The following SOX6 variants were observed in gnomAD, a reference collection of about 807,000 sequenced individuals.
SOX6 encodes SRY-box transcription factor 6, also known as transcription factor SOX-6.
A neutral mutation model predicts 97.8 loss-of-function variants in SOX6; 11 were observed. That is an observed-to-expected ratio of 0.11 (90% confidence interval 0.07 to 0.19). The LOEUF is 0.19. SOX6 is among the 10% of genes least tolerant of loss of function. SOX6 has a pLI of 1.00. For missense variants in SOX6, 810 were observed against 1,039.5 expected (o/e 0.78, Z 3.04); for synonymous variants, 360 against 371.4 (o/e 0.97, Z 0.35).
At chr11:16,226,337 GT>G (rs545867195) in intron 4 of SOX6, among the ~76,000 whole-genome samples, 6 of 105,456 alleles carry the variant, frequency 5.7e-5, no homozygotes, top group Admixed American at 2.1e-4. Flanking sequence ...TTTTGTTTTT[GT>G]TTTTTTTTTC....
chr11:15,992,525 GA>G (rs1854087823), intron 13 of SOX6, among the ~76,000 whole-genome samples: 1 of 152,044 alleles, frequency 6.6e-6, no homozygotes, highest in Admixed American at 6.5e-5. Context: ...TTATGCCCAG[GA>G]GGTCACTCTC....
intron 4 of SOX6, among the ~76,000 whole-genome samples, chr11:16,496,592 C>T (rs1860601202): frequency 6.6e-6 from 1 of 152,194 alleles, no homozygotes; most frequent in South Asian, 2.1e-4. Context: ...TGACAGACAA[C>T]ACCTGGAAAA....
At chr11:16,106,155 C>A (rs1387912955) in intron 7 of SOX6, among the ~76,000 whole-genome samples, 1 of 151,972 alleles carries the variant, frequency 6.6e-6, no homozygotes, top group Non-Finnish European at 1.5e-5. Flanking sequence ...TCAAAGCAAT[C>A]CCTATCAAAA....
intron 4 of SOX6, among the ~76,000 whole-genome samples, chr11:16,229,077 C>T (rs1852770952): frequency 6.6e-6 from 1 of 152,120 alleles, no homozygotes; most frequent in African/African-American, 2.4e-5. Flanking sequence ...TCTCCTAGCA[C>T]CTACCCATCA....
At chr11:16,098,583 T>G (rs978187667) in intron 7 of SOX6, among the ~76,000 whole-genome samples, 23 of 151,932 alleles carry the variant, frequency 1.5e-4, no homozygotes, top group South Asian at 4.1e-4. Context: ...ATGACAGAGG[T>G]AACTGAAATA....
intron 3 of SOX6, among the ~76,000 whole-genome samples, chr11:16,702,221 T>C (rs1253941295): frequency 3.3e-5 from 5 of 152,178 alleles, no homozygotes; most frequent in Admixed American, 2.6e-4. Context: ...TTTAGGCAGC[T>C]GAAAGGAGAG....
chr11:16,097,451 T>C (rs1020147129), intron 8 of SOX6, among the ~76,000 whole-genome samples, 158 bp downstream of exon 8: 2 of 151,896 alleles, frequency 1.3e-5, no homozygotes, highest in Admixed American at 6.6e-5. Context: ...CAGTTTTCTC[T>C]TCTATTTGCA....
intron 3 of SOX6, among the ~76,000 whole-genome samples, chr11:16,672,119 G>A (rs528828530): frequency 1.1e-4 from 17 of 152,260 alleles, no homozygotes; most frequent in African/African-American, 4.1e-4. Flanking sequence ...GTTACCATCA[G>A]ACCGGCCTTA....
At chr11:16,584,514 C>T (rs996576327) in intron 4 of SOX6, among the ~76,000 whole-genome samples, 1 of 152,120 alleles carries the variant, frequency 6.6e-6, no homozygotes, top group Non-Finnish European at 1.5e-5. Context: ...CACATAGATG[C>T]CCCCACTGCT....
intron 12 of SOX6, among the ~76,000 whole-genome samples, chr11:16,027,386 C>T (rs1196864450): frequency 6.6e-6 from 1 of 152,104 alleles, no homozygotes; most frequent in Non-Finnish European, 1.5e-5. Context: ...ATTTCCTACA[C>T]ATTTCTTTCA....
chr11:16,466,757 C>T (rs1293227903), intron 1 of SOX6, among the ~76,000 whole-genome samples: 1 of 150,394 alleles, frequency 6.6e-6, no homozygotes, highest in African/African-American at 2.4e-5. Flanking sequence ...GGTGAAACCC[C>T]GTCTCTACTA....
intron 3 of SOX6, among the ~76,000 whole-genome samples, chr11:16,253,505 A>C (rs1352793622): frequency 6.6e-6 from 1 of 152,176 alleles, no homozygotes; most frequent in Non-Finnish European, 1.5e-5. Context: ...ACACAGGTGC[A>C]TAATGTGAGC....
At chr11:16,530,120 A>G (rs1340208706) in intron 4 of SOX6, among the ~76,000 whole-genome samples, 2 of 151,982 alleles carry the variant, frequency 1.3e-5, no homozygotes, top group Non-Finnish European at 2.9e-5. Flanking sequence ...CTCTAATTCC[A>G]GCTCTATTAC....
chr11:15,972,090 A>G lies in SOX6; in HGVS notation c.*719T>C, dbSNP rs940585612. On this transcript the variant is annotated 3_prime_UTR_variant, in exon 16 of 16. Transcript: ENST00000683767. ...GTGGCAACCTTGTTCATTCCTTACA[A>G]TATCTTGTCTCCAGATTCCTGAGTA... 1 of 152,828 alleles carries G rather than the reference A, an allele frequency of 6.5e-6. No individual in the cohort carries two copies. Among genetic ancestry groups the G allele is most frequent in the Non-Finnish European group, 1.5e-5 (1 of 68,246 alleles). 9.5% of individuals were successfully genotyped at this position (152,828 alleles called of 1,614,324 possible). A position where few individuals can be genotyped will look rare whatever the true frequency, so the allele number is the denominator to read the frequency against.
chr11:16,141,304 A>T lies in SOX6; in HGVS notation c.778-29381T>A, dbSNP rs140592945. Reference sequence around the variant, plus strand: ...GAGATTACAGGTATTCAGGTATCTGAGTGCCTAAAAAGGCGATGAGACAAG... The same window carrying T: ...GAGATTACAGGTATTCAGGTATCTGTGTGCCTAAAAAGGCGATGAGACAAG... On this transcript the variant is annotated intron_variant, in intron 6 of 15. Transcript: ENST00000683767. Among the ~76,000 whole-genome samples, 225 of 152,280 alleles carry T rather than the reference A, an allele frequency of 1.5e-3. 1 individual carries two copies. The highest frequency in any genetic ancestry group is 5.1e-3 in the African/African-American group (214 of 41,556).
intron 1 of SOX6, among the ~76,000 whole-genome samples, chr11:16,432,344 TAC>T (rs1331800878): frequency 6.6e-6 from 1 of 152,118 alleles, no homozygotes; most frequent in African/African-American, 2.4e-5. Context: ...CCAAGTTAAT[TAC>T]AGTCAAAAGT....
rs373521593 is a variant in SOX6, at chr11:16,242,284, G to C, written c.446-7613C>G. On this transcript the variant is annotated intron_variant, in intron 3 of 15. Transcript: ENST00000683767. ...GTATTACAACTGCCTACAGTGTTTA[G>C]TACAGTAACATGCTGCACAGGTTTG... 7.2e-5 allele frequency among the ~76,000 whole-genome samples: 11 copies of C among 152,002 alleles called. No homozygotes were observed. The East Asian group carries it at 7.7e-4, about 11-fold the overall frequency.
chr11:16,137,185 T>C lies in SOX6; in HGVS notation c.778-25262A>G, dbSNP rs191856604. ...GAGCAGTGGCTCATGCCTGTAATCC[T>C]AGCACTTTGGGAGGCTGAGGTGGAC... On this transcript the variant is annotated intron_variant, in intron 6 of 15. Coordinates refer to ENST00000683767, the MANE Select transcript of SOX6 (RefSeq NM_001367873.1). Among the ~76,000 whole-genome samples the C allele has an allele frequency of 9.2e-5, 14 of 152,232 alleles. No homozygotes were observed. The East Asian group carries it at 2.7e-3, about 29-fold the overall frequency.
chr11:16,055,522 C>T (rs375445859), intron 10 of SOX6, among the ~76,000 whole-genome samples: 24 of 152,188 alleles, frequency 1.6e-4, no homozygotes, highest in Admixed American at 3.9e-4. Flanking sequence ...GGAAAACTCT[C>T]GAGAAGTGAG....
Sources: allele counts gnomAD v4.1 joint callset (sites outside exome capture counted in the v4.1 genomes callset), GRCh38; gene constraint gnomAD v4.1.1; transcripts MANE v1.5; gene names NCBI Gene and HGNC (gene_info 2026-07-23, HGNC 2026-07-21).